The following INPP4B variants were observed in gnomAD, a reference collection of about 807,000 sequenced individuals.
INPP4B encodes the protein inositol polyphosphate 4-phosphatase type II.
A neutral mutation model predicts 122.5 loss-of-function variants in INPP4B; 55 were observed. That is an observed-to-expected ratio of 0.45 (90% CI 0.36 to 0.56). The LOEUF (loss-of-function observed/expected upper bound fraction) is 0.56, where lower values mean the gene tolerates loss of function less well. Ranked by LOEUF, INPP4B falls within the 20% of genes least tolerant of loss-of-function variation. The pLI is 0.00. For synonymous variants in INPP4B, 403 were observed against 388.7 expected (o/e 1.04, Z -0.43); for missense variants, 1,000 against 1,097.7 (o/e 0.91, Z 1.26).
chr4:142,315,788 G>A (rs1767385232), intron 7 of INPP4B, among the ~76,000 whole-genome samples: 2 of 151,572 alleles, frequency 1.3e-5, no homozygotes, highest in South Asian at 4.2e-4. Flanking sequence ...CTGTCTACTT[G>A]GAGAGAAAGG....
In INPP4B at chr4:142,311,994, A is replaced by G. The variant is rs190413020; in HGVS notation, c.423+2718T>C. On this transcript the variant is annotated intron_variant, in intron 8 of 25. Transcript: ENST00000262992. ...TTTCCCAAGACTTCTATAACATGAG[A>G]AAAACAAACCCATTCATTAGTTTTA... Among the ~76,000 whole-genome samples, 306 of 152,304 alleles carry G rather than the reference A, an allele frequency of 2.0e-3. 2 individuals carry two copies. The highest frequency in any genetic ancestry group is 3.4e-3 in the Middle Eastern group (1 of 294).
intron 25 of INPP4B, among the ~76,000 whole-genome samples, chr4:142,044,145 C>T (rs1440353128): frequency 6.6e-6 from 1 of 152,024 alleles, no homozygotes. Flanking sequence ...TTTAAACATG[C>T]TAAGTTTGAT....
At chr4:142,258,266 G>C (rs1737567086) in intron 11 of INPP4B, among the ~76,000 whole-genome samples, 1 of 152,054 alleles carries the variant, frequency 6.6e-6, no homozygotes, top group African/African-American at 2.4e-5. Context: ...GAAAACCTAG[G>C]CATTACCATT....
intron 11 of INPP4B, among the ~76,000 whole-genome samples, chr4:142,239,456 A>G (rs927606926): frequency 2.6e-5 from 4 of 152,200 alleles, no homozygotes; most frequent in South Asian, 2.1e-4. Context: ...TATAAGCACA[A>G]TATTTAAATT....
At position 142,682,610 on chromosome 4, in the gene INPP4B, A is replaced by G. The variant is rs180851753; in HGVS notation, c.-191+43229T>C. The stretch of plus-strand genomic sequence containing the variant: ...GTGTCACTTTCATGCAAAGACTATA[A>G]CAACTGTATCTTTGCATGAAAGGTT... On this transcript the variant is annotated intron_variant, in intron 2 of 25. Coordinates refer to ENST00000262992, the MANE Select transcript of INPP4B (RefSeq NM_001101669.3). 2.4e-3 allele frequency among the ~76,000 whole-genome samples: 367 copies of G among 152,060 alleles called. No individual in the cohort carries two copies. The Middle Eastern group carries it at 0.034, about 14-fold the overall frequency.
chr4:142,221,407 A>G (rs1371590722), intron 12 of INPP4B, among the ~76,000 whole-genome samples: 1 of 150,652 alleles, frequency 6.6e-6, no homozygotes, highest in African/African-American at 2.4e-5. Context: ...AAAAAAAAAA[A>G]AAAAAAAAGA....
At chr4:142,354,215 C>A (rs1782851897) in intron 7 of INPP4B, among the ~76,000 whole-genome samples, 1 of 151,934 alleles carries the variant, frequency 6.6e-6, no homozygotes, top group South Asian at 2.1e-4. Context: ...TGCCACGAAC[C>A]TTCTCAGAGC....
rs530966055 is a variant in INPP4B, at chr4:142,664,876, A to T, written c.-191+60963T>A. On this transcript the variant is annotated intron_variant, in intron 2 of 25. Coordinates refer to ENST00000262992, the MANE Select transcript of INPP4B (RefSeq NM_001101669.3). ...GAGAAATGTATTGTTAGGCAATTTC[A>T]TCATTGTGCCAACATCATAGAGTGT... 3.9e-5 allele frequency among the ~76,000 whole-genome samples: 6 copies of T among 152,320 alleles called. No homozygotes were observed. The South Asian group carries it at 1.2e-3, about 32-fold the overall frequency.
chr4:142,090,682 T>C lies in INPP4B; in HGVS notation c.2375-4426A>G, dbSNP rs145463191. 2.2e-3 allele frequency among the ~76,000 whole-genome samples: 338 copies of C among 150,762 alleles called. 1 individual carries two copies. The highest frequency in any genetic ancestry group is 4.2e-3 in the Non-Finnish European group (285 of 67,652). On this transcript the variant is annotated intron_variant, in intron 23 of 25. Coordinates refer to ENST00000262992, the MANE Select transcript of INPP4B (RefSeq NM_001101669.3). ...AATTTAGACAGGGCAGCTGAGTCTC[T>C]ATGCATATCTCCATAATAGTATTCT...
chr4:142,835,037 C>T (rs572261744), intron 1 of INPP4B, among the ~76,000 whole-genome samples: 7 of 152,220 alleles, frequency 4.6e-5, no homozygotes, highest in Admixed American at 2.0e-4. Context: ...TAGAATCTGA[C>T]TTGGTAACCC....
At chr4:142,737,283 AAC>A (rs1183464705) in intron 1 of INPP4B, among the ~76,000 whole-genome samples, 2 of 152,204 alleles carry the variant, frequency 1.3e-5, no homozygotes, top group Admixed American at 6.5e-5. Context: ...AATGGAACAG[AAC>A]AGAGTCCTCA....
chr4:142,494,688 G>A (rs1157375624), intron 2 of INPP4B, among the ~76,000 whole-genome samples: 3 of 151,966 alleles, frequency 2.0e-5, no homozygotes, highest in East Asian at 1.9e-4. Flanking sequence ...GACAATAATT[G>A]TCCTCTAGGT....
At chr4:142,353,404 A>C (rs1232751075) in intron 7 of INPP4B, among the ~76,000 whole-genome samples, 1 of 152,014 alleles carries the variant, frequency 6.6e-6, no homozygotes, top group African/African-American at 2.4e-5. Context: ...GAATGATCCA[A>C]CTGGTCAGAT....
chr4:142,103,696 A>T (rs1417853185), intron 23 of INPP4B, among the ~76,000 whole-genome samples: 8 of 152,092 alleles, frequency 5.3e-5, no homozygotes, highest in Non-Finnish European at 1.2e-4. Flanking sequence ...ACCGTATCTT[A>T]CTCATCTTTC....
chr4:142,253,519 G>A (rs1292899869), intron 11 of INPP4B, among the ~76,000 whole-genome samples: 1 of 152,226 alleles, frequency 6.6e-6, no homozygotes, highest in Admixed American at 6.5e-5. Flanking sequence ...AGCCGAAGCA[G>A]GGCGAGGCAT....
chr4:142,760,542 A>G (rs1198603032), intron 1 of INPP4B, among the ~76,000 whole-genome samples: 2 of 152,142 alleles, frequency 1.3e-5, no homozygotes, highest in African/African-American at 4.8e-5. Flanking sequence ...AAGAGCCACA[A>G]TACTCTTATA....
intron 9 of INPP4B, among the ~76,000 whole-genome samples, chr4:142,282,706 T>C (rs892224390): frequency 1.3e-5 from 2 of 152,230 alleles, no homozygotes; most frequent in Admixed American, 1.3e-4. Flanking sequence ...ACATGGTGGT[T>C]TGCCTCCTCA....
chr4:142,729,283 G>T (rs868661459), intron 1 of INPP4B, among the ~76,000 whole-genome samples: 1 of 152,170 alleles, frequency 6.6e-6, no homozygotes. Context: ...ACGGCTTGGG[G>T]GTTGGGGATC....
At chr4:142,422,746 G>A (rs1246412323) in intron 5 of INPP4B, among the ~76,000 whole-genome samples, 1 of 152,096 alleles carries the variant, frequency 6.6e-6, no homozygotes, top group Non-Finnish European at 1.5e-5. Context: ...CCTAGGAGTT[G>A]GAGGCTGCAG....
Sources: gnomAD v4.1 joint callset for allele counts (sites outside exome capture counted in the v4.1 genomes callset) on GRCh38, gnomAD v4.1.1 for gene constraint, MANE v1.5 for transcripts, NCBI Gene and HGNC (gene_info 2026-07-23, HGNC 2026-07-21) for gene names.